Variants in SYCP2 observed in about 807,000 individuals in gnomAD.
The protein encoded by SYCP2 is synaptonemal complex protein 2.
A neutral mutation model predicts 211.3 loss-of-function variants in SYCP2; 55 were observed. The ratio of observed to expected loss-of-function variants is 0.26; its 90% CI spans 0.21 to 0.33. SYCP2 has a LOEUF of 0.33. Among genes scored for constraint, SYCP2 ranks in the 10% least tolerant of loss-of-function variants. The probability of loss-of-function intolerance (pLI) is 1.00; values close to 1 mark genes in which losing one functional copy is unlikely to be tolerated. For missense variants in SYCP2, 1,731 were observed against 1,752.0 expected, an observed-to-expected ratio of 0.99 and a Z score of 0.21; for synonymous variants, 570 against 555.2, an observed-to-expected ratio of 1.03 and a Z score of -0.37.
chr20:59,876,472 G>A (rs2059562904), intron 33 of SYCP2, among the ~76,000 whole-genome samples: 2 of 140,068 alleles, frequency 1.4e-5, no homozygotes, highest in South Asian at 2.5e-4. Flanking sequence ...TTGGGTAAGA[G>A]ATAAGATTGC....
Position 59,880,969 on chromosome 20 carries a change from T to C in SYCP2, c.2769A>G (p.Lys923=). ...ELKSSVKTKD[K]KIITNHQKKN... is the part of the protein sequence containing the mutation. ...ATATTGAGATATTATAACTTACTTT[T>C]TTATCTTTTGTTTTGACAGAAGATT... The change falls in exon 30 of 45, where the codon AAA becomes AAG. Residue 923 remains lysine (K), a synonymous_variant. Coordinates refer to ENST00000357552, the MANE Select transcript of SYCP2 (RefSeq NM_014258.4). 1 of 1,452,522 alleles carries C rather than the reference T, an allele frequency of 6.9e-7. No homozygotes were observed. 90.0% of individuals were successfully genotyped at this position (1,452,522 alleles called of 1,614,324 possible). A position where few individuals can be genotyped will look rare whatever the true frequency, so the allele number is the denominator to read the frequency against.
intron 24 of SYCP2, among the ~76,000 whole-genome samples, chr20:59,890,572 A>AG (rs1319218366): frequency 2.0e-5 from 3 of 150,838 alleles, no homozygotes; most frequent in Non-Finnish European, 4.4e-5. Context: ...GTAGATAGGT[A>AG]GGTAGGTAAG....
intron 14 of SYCP2, among the ~76,000 whole-genome samples, chr20:59,910,890 C>A (rs1039347608): frequency 1.3e-5 from 2 of 151,884 alleles, no homozygotes; most frequent in African/African-American, 4.8e-5. Context: ...CCCTGAGAAG[C>A]AGTGCTAGTC....
intron 26 of SYCP2, 126 bp from the exon 27 acceptor site, chr20:59,882,291 T>C: frequency 1.4e-6 from 1 of 726,584 alleles, no homozygotes; most frequent in South Asian, 1.8e-5. Flanking sequence ...AAATGGCTTG[T>C]ACCAAAAAGA....
chr20:59,864,581 A>C (rs1050014534), intron 44 of SYCP2, among the ~76,000 whole-genome samples, 193 bp from the exon 45 acceptor site: 1 of 152,038 alleles, frequency 6.6e-6, no homozygotes, highest in African/African-American at 2.4e-5. Context: ...TATTCAAGAC[A>C]ATCAGTTGAG....
At chr20:59,867,655 A>C in intron 39 of SYCP2, 56 bp downstream of exon 39, 4 of 1,470,458 alleles carry the variant, frequency 2.7e-6, no homozygotes, top group Non-Finnish European at 3.8e-6. Flanking sequence ...TCTAGTAGAA[A>C]GTGTGGCATA....
chr20:59,915,394 C>G, intron 9 of SYCP2, 71 bp downstream of exon 9: 1 of 1,137,450 alleles, frequency 8.8e-7, no homozygotes. Flanking sequence ...AATGCAAACT[C>G]ATAGTTGTCT....
chr20:59,891,518 C>A (rs2059904333), intron 24 of SYCP2, among the ~76,000 whole-genome samples: 1 of 151,898 alleles, frequency 6.6e-6, no homozygotes, highest in East Asian at 1.9e-4. Context: ...TCTTGCAAAA[C>A]CTTGTCAAGG....
At chr20:59,879,570 A>G (rs1397262611) in intron 31 of SYCP2, among the ~76,000 whole-genome samples, 3 of 151,664 alleles carry the variant, frequency 2.0e-5, no homozygotes, top group African/African-American at 7.2e-5. Flanking sequence ...ATGTTCAGCT[A>G]TGAAAATGGT....
chr20:59,902,815 CTAG>C (rs1156244282), intron 15 of SYCP2, among the ~76,000 whole-genome samples: 1 of 152,080 alleles, frequency 6.6e-6, no homozygotes, highest in African/African-American at 2.4e-5. Context: ...TCAAAGAGCG[CTAG>C]TAGTTTTTTA....
chr20:59,893,198 A>G lies in SYCP2; in HGVS notation c.1737T>C (p.Ser579=), dbSNP rs1245696287. The change falls in exon 22 of 45, where the codon AGT becomes AGC. Residue 579 remains serine (S), a splice_region_variant and synonymous_variant. Coordinates refer to ENST00000357552, the MANE Select transcript of SYCP2 (RefSeq NM_014258.4). The part of the protein sequence containing the change: ...KNVEFPNQNF[S]ELQDVIPDSQ... ...AATCTGGTATAACATCCTGGAGTTC[A>G]CCTAAATAAAACAAATATTATAATA... 6.3e-7 allele frequency: 1 copy of G among 1,591,538 alleles called. No homozygotes were observed. The highest frequency in any genetic ancestry group is 2.2e-5 in the East Asian group (1 of 44,510).
In SYCP2 at chr20:59,921,047, T is replaced by TC. The variant is rs558548373; in HGVS notation, c.168+262dup. 4.2e-3 allele frequency among the ~76,000 whole-genome samples: 644 copies of TC among 151,732 alleles called. 3 individuals are homozygous for TC. The highest frequency in any genetic ancestry group is 0.017 in the Middle Eastern group (5 of 294). ...AACTTCAAAGAGCTAAAGTATTTTT[T>TC]CCCCAGTTTCAGCCACAGTTAATAG... On this transcript the variant is annotated intron_variant, in intron 4 of 44. Transcript: ENST00000357552.
chr20:59,929,435 G>T (rs1452787485), intron 2 of SYCP2, among the ~76,000 whole-genome samples: 1 of 152,090 alleles, frequency 6.6e-6, no homozygotes, highest in Non-Finnish European at 1.5e-5. Context: ...AGCACAAAGG[G>T]AATATAAAAA....
At chr20:59,927,581 A>G (rs1383735963) in intron 2 of SYCP2, among the ~76,000 whole-genome samples, 1 of 152,168 alleles carries the variant, frequency 6.6e-6, no homozygotes, top group East Asian at 1.9e-4. Context: ...CCTCATGAAG[A>G]AAGGAAAAGA....
At chr20:59,904,486 A>G (rs752511180) in intron 15 of SYCP2, among the ~76,000 whole-genome samples, 4 of 152,134 alleles carry the variant, frequency 2.6e-5, no homozygotes, top group Non-Finnish European at 5.9e-5. Flanking sequence ...AACTAAACAC[A>G]GACCAACATC....
intron 29 of SYCP2, among the ~76,000 whole-genome samples, 163 bp downstream of exon 29, chr20:59,881,262 ATAATTTGCATAT>A (rs2059673893): frequency 1.3e-5 from 2 of 151,802 alleles, no homozygotes; most frequent in African/African-American, 4.8e-5. Context: ...ATTCAAAGTG[ATAATTTGCATAT>A]TAATTTAAAG....
At chr20:59,900,930 G>A (rs1314089442) in intron 16 of SYCP2, 112 bp from the exon 17 acceptor site, 3 of 802,108 alleles carry the variant, frequency 3.7e-6, no homozygotes, top group Non-Finnish European at 6.1e-6. Context: ...TTCCAAAATT[G>A]CCAAATATCC....
At chr20:59,901,942 TAATC>T (rs770999971) in intron 15 of SYCP2, 132 bp from the exon 16 acceptor site, 12 of 668,658 alleles carry the variant, frequency 1.8e-5, no homozygotes, top group Non-Finnish European at 2.5e-5. Flanking sequence ...GTGTTTAAAT[TAATC>T]AATTCTGGCA....
intron 18 of SYCP2, 54 bp from the exon 19 acceptor site, chr20:59,896,582 TA>T: frequency 1.1e-6 from 1 of 916,040 alleles, no homozygotes; most frequent in East Asian, 2.4e-5. Flanking sequence ...TGAAATTAAA[TA>T]TCCTACAATT....
Sources: gnomAD v4.1 joint callset for allele counts (sites outside exome capture counted in the v4.1 genomes callset) on GRCh38, gnomAD v4.1.1 for gene constraint, MANE v1.5 for transcripts, NCBI Gene and HGNC (gene_info 2026-07-23, HGNC 2026-07-21) for gene names.